Variants in RAB3GAP2 observed in about 807,000 individuals in gnomAD.
The protein encoded by RAB3GAP2 is RAB3 GTPase activating non-catalytic protein subunit 2, also known as rab3 GTPase-activating protein non-catalytic subunit.
In RAB3GAP2, 87 loss-of-function variants were observed where a neutral mutation model predicts 185.3. The observed-to-expected ratio is 0.47, with a 90% CI of 0.39 to 0.56. The LOEUF (loss-of-function observed/expected upper bound fraction) is 0.56. Ranked by LOEUF, RAB3GAP2 falls within the 20% of genes least tolerant of loss-of-function variation. The pLI is 0.00. For synonymous variants in RAB3GAP2, 554 were observed against 576.1 expected (o/e 0.96, Z 0.55); for missense variants, 1,492 against 1,638.2 (o/e 0.91, Z 1.54).
chr1:220,175,664 C>T (rs1658275282), intron 21 of RAB3GAP2, among the ~76,000 whole-genome samples: 1 of 152,190 alleles, frequency 6.6e-6, no homozygotes, highest in South Asian at 2.1e-4. Flanking sequence ...AAATTAAATG[C>T]CATGCCTTGG....
In RAB3GAP2 at chr1:220,157,286, G is replaced by GA. The variant is rs1553273525; in HGVS notation, c.3538dup (p.Ser1180PhefsTer4). On this transcript the variant is annotated frameshift_variant, in exon 31 of 35. Transcript: ENST00000358951. LOFTEE classifies it high-confidence loss of function. ...GGTACTTACCTTACTGTCAAAAAGT[G>GA]AAAGTGGCTTCACGGTCTTCAGAGA... The GA allele has an allele frequency of 1.9e-6, 3 of 1,613,876 alleles. No individual in the cohort carries two copies. The highest frequency in any genetic ancestry group is 2.5e-6 in the Non-Finnish European group (3 of 1,179,870).
At chr1:220,176,048 TAAA>T (rs1471859791) in intron 21 of RAB3GAP2, among the ~76,000 whole-genome samples, 1 of 151,690 alleles carries the variant, frequency 6.6e-6, no homozygotes, top group Non-Finnish European at 1.5e-5. Context: ...AGAAGAAAAA[TAAA>T]GAAGTGAATA....
At position 220,184,071 on chromosome 1, in the gene RAB3GAP2, G is replaced by C. The variant is rs1380946655; in HGVS notation, c.1963C>G (p.Leu655Val). 2 of 1,594,324 alleles carry C rather than the reference G, an allele frequency of 1.3e-6. No homozygotes were observed. Among genetic ancestry groups the C allele is most frequent in the Admixed American group, 3.3e-5 (2 of 59,846 alleles). ...AATGGTGTGTCTAAATGAAAATCAAGGGAATTTAATTGACTGACAGACTCA... is the reference window on the plus strand; with the variant it reads ...AATGGTGTGTCTAAATGAAAATCAACGGAATTTAATTGACTGACAGACTCA... Reference protein sequence around the residue: ...LYESVSQLNSLDFHLDTPFSD... With the variant: ...LYESVSQLNSVDFHLDTPFSD... Residue 655 changes from leucine (L) to valine (V), a missense_variant, in exon 19 of 35, where the codon CTT becomes GTT. Transcript: ENST00000358951.
In RAB3GAP2 at chr1:220,232,835, A is replaced by G. The variant is rs770629262; in HGVS notation, c.144T>C (p.Gly48=). The part of the protein sequence containing the change: ...PSKSTDWEDD[G]WGAWEENEPQ... ...GTTCATTTTCTTCCCATGCTCCCCAACCATCATCTTCCCAGTCTGTTGATT... is the reference window on the plus strand; with the variant it reads ...GTTCATTTTCTTCCCATGCTCCCCAGCCATCATCTTCCCAGTCTGTTGATT... The change falls in exon 2 of 35, where the codon GGT becomes GGC. Residue 48 remains glycine, a synonymous_variant. Coordinates refer to ENST00000358951, the MANE Select transcript of RAB3GAP2 (RefSeq NM_012414.4). 2 of 1,613,874 alleles carry G rather than the reference A, an allele frequency of 1.2e-6. No individual in the cohort carries two copies. Among genetic ancestry groups the G allele is most frequent in the South Asian group, 2.2e-5 (2 of 91,072 alleles).
intron 1 of RAB3GAP2, among the ~76,000 whole-genome samples, chr1:220,244,724 C>A (rs1318841422): frequency 6.6e-6 from 1 of 152,116 alleles, no homozygotes; most frequent in African/African-American, 2.4e-5. Context: ...ACCACTGGAA[C>A]AGAATAAAGA....
chr1:220,267,007 C>T (rs538869103), intron 1 of RAB3GAP2: 82 of 1,611,128 alleles, frequency 5.1e-5, no homozygotes, highest in African/African-American at 2.4e-4. Flanking sequence ...ATCATGCATC[C>T]GACCTTCAAT....
chr1:220,170,050 A>G (rs995637794), intron 24 of RAB3GAP2, among the ~76,000 whole-genome samples: 3 of 152,230 alleles, frequency 2.0e-5, no homozygotes, highest in Non-Finnish European at 4.4e-5. Flanking sequence ...CTGGATAAAG[A>G]AAATGTGGCA....
intron 24 of RAB3GAP2, among the ~76,000 whole-genome samples, chr1:220,168,912 C>G (rs1571879778): frequency 1.3e-5 from 2 of 152,280 alleles, no homozygotes; most frequent in Admixed American, 1.3e-4. Flanking sequence ...TCAGTCTTTC[C>G]TCATCTTTTG....
At chr1:220,229,891 A>G (rs541993659) in intron 2 of RAB3GAP2, among the ~76,000 whole-genome samples, 3 of 152,346 alleles carry the variant, frequency 2.0e-5, no homozygotes, top group Admixed American at 6.5e-5. Flanking sequence ...TACGTTATTC[A>G]TAGTGGTAAC....
At chr1:220,199,510 G>A (rs1039337829) in intron 9 of RAB3GAP2, among the ~76,000 whole-genome samples, 5 of 152,056 alleles carry the variant, frequency 3.3e-5, no homozygotes, top group Admixed American at 1.3e-4. Context: ...TGAACTCTAC[G>A]AAACATTCCA....
intron 7 of RAB3GAP2, among the ~76,000 whole-genome samples, chr1:220,209,193 C>T (rs1204445756): frequency 6.6e-6 from 1 of 152,116 alleles, no homozygotes; most frequent in Non-Finnish European, 1.5e-5. Flanking sequence ...ATTTCACTTC[C>T]TTCTCATAAA....
chr1:220,247,479 T>C (rs1326466824), intron 1 of RAB3GAP2, among the ~76,000 whole-genome samples: 1 of 152,156 alleles, frequency 6.6e-6, no homozygotes, highest in African/African-American at 2.4e-5. Context: ...TGGAGGCCAG[T>C]TTTCTAAGTG....
intron 13 of RAB3GAP2, among the ~76,000 whole-genome samples, chr1:220,192,689 T>C (rs1357832372): frequency 6.6e-6 from 1 of 152,194 alleles, no homozygotes; most frequent in African/African-American, 2.4e-5. Flanking sequence ...GGGCTGTCTA[T>C]GAGAACCTTG....
intron 28 of RAB3GAP2, among the ~76,000 whole-genome samples, chr1:220,160,365 C>T (rs1029098507): frequency 6.6e-6 from 1 of 152,194 alleles, no homozygotes; most frequent in African/African-American, 2.4e-5. Context: ...CTTGGAACAA[C>T]CAAGATCAGC....
intron 1 of RAB3GAP2, chr1:220,266,933 A>G (rs1660237564): frequency 1.2e-5 from 19 of 1,593,400 alleles, no homozygotes; most frequent in Non-Finnish European, 1.5e-5. Flanking sequence ...TTTGCCTCAA[A>G]AGGAGGCTTC....
intron 1 of RAB3GAP2, among the ~76,000 whole-genome samples, chr1:220,262,206 G>A (rs1660154081): frequency 6.6e-6 from 1 of 151,888 alleles, no homozygotes; most frequent in African/African-American, 2.4e-5. Context: ...GAGGCTGAGG[G>A]AGGAGAATGG....
intron 9 of RAB3GAP2, among the ~76,000 whole-genome samples, chr1:220,200,256 G>C (rs938430824): frequency 6.6e-6 from 1 of 152,112 alleles, no homozygotes; most frequent in African/African-American, 2.4e-5. Context: ...GTCTCAGTCT[G>C]AATGTCATGT....
rs535464981 is a variant in RAB3GAP2 at position 220,158,509 on chromosome 1, C to T, written c.3262-633G>A. Among the ~76,000 whole-genome samples, 13 of 151,732 alleles carry T rather than the reference C, an allele frequency of 8.6e-5. No individual in the cohort carries two copies. Among genetic ancestry groups the T allele is most frequent in the Admixed American group, 3.3e-4 (5 of 15,230 alleles). Reference sequence around the variant, plus strand: ...AGGCTGGAGTACAGTGGCACGATCTCGGCTCACTGCAACCTCCACCTCCCA... The same window carrying T: ...AGGCTGGAGTACAGTGGCACGATCTTGGCTCACTGCAACCTCCACCTCCCA... On this transcript the variant is annotated intron_variant, in intron 29 of 34. Transcript: ENST00000358951. This position sits in a 1 kb window ranked among gnomAD's most constrained non-coding sequence, Gnocchi z 4.3.
At chr1:220,209,537 G>T (rs1659040015) in intron 7 of RAB3GAP2, among the ~76,000 whole-genome samples, 1 of 151,992 alleles carries the variant, frequency 6.6e-6, no homozygotes, top group African/African-American at 2.4e-5. Flanking sequence ...ACTGTATTCT[G>T]TCCAAATAAA....
Sources: allele counts gnomAD v4.1 joint callset (sites outside exome capture counted in the v4.1 genomes callset), GRCh38; gene constraint gnomAD v4.1.1; non-coding constraint Gnocchi (gnomAD v3.1); transcripts MANE v1.5; gene names NCBI Gene and HGNC (gene_info 2026-07-23, HGNC 2026-07-21).